The following GRM8 variants were observed in gnomAD, a reference collection of about 807,000 sequenced individuals.
GRM8 encodes the protein glutamate metabotropic receptor 8.
GRM8 carries 47 observed loss-of-function variants against 87.2 expected under a neutral mutation model. The ratio of observed to expected loss-of-function variants is 0.54; its 90% CI spans 0.43 to 0.69. GRM8 has a LOEUF of 0.69. Ranked by LOEUF, GRM8 falls within the 30% of genes least tolerant of loss-of-function variation. The pLI is 0.00. For missense variants in GRM8, 1,019 were observed against 1,139.2 expected (o/e 0.89, Z 1.52); for synonymous variants, 396 against 404.5 (o/e 0.98, Z 0.25).
intron 9 of GRM8, among the ~76,000 whole-genome samples, chr7:126,457,387 T>C (rs1241969391): frequency 6.6e-6 from 1 of 151,318 alleles, no homozygotes; most frequent in African/African-American, 2.4e-5. Context: ...ACAATAATTT[T>C]CCAAAACTTA....
chr7:126,566,050 G>T (rs1306329786), intron 8 of GRM8, among the ~76,000 whole-genome samples: 1 of 152,090 alleles, frequency 6.6e-6, no homozygotes, highest in Non-Finnish European at 1.5e-5. Flanking sequence ...ATGGATTAAA[G>T]AACTAAATGT....
chr7:127,092,651 G>A (rs1479854662), intron 3 of GRM8, among the ~76,000 whole-genome samples: 5 of 152,226 alleles, frequency 3.3e-5, no homozygotes, highest in Non-Finnish European at 5.9e-5. Flanking sequence ...ATATTGCAGT[G>A]AGCCAAGGTT....
chr7:127,104,095 C>T (rs955158947), intron 3 of GRM8, among the ~76,000 whole-genome samples: 3 of 152,170 alleles, frequency 2.0e-5, no homozygotes, highest in African/African-American at 7.2e-5. Flanking sequence ...AGAGGTAAGA[C>T]AGAGGAAGCC....
At chr7:127,078,640 C>T (rs17865293) in intron 3 of GRM8, among the ~76,000 whole-genome samples, 1,677 of 152,268 alleles carry the variant, frequency 0.011, 26 homozygotes, top group African/African-American at 0.037. Context: ...CACCCATTGT[C>T]GACAGAGGAT....
At chr7:127,079,197 T>G (rs1241392792) in intron 3 of GRM8, among the ~76,000 whole-genome samples, 1 of 152,152 alleles carries the variant, frequency 6.6e-6, no homozygotes, top group Non-Finnish European at 1.5e-5. Context: ...CTCCGCTTAC[T>G]GCAACCTCTC....
intron 6 of GRM8, among the ~76,000 whole-genome samples, chr7:126,861,226 A>T (rs775493712): frequency 2.2e-4 from 33 of 152,196 alleles, no homozygotes; most frequent in Non-Finnish European, 4.4e-4. Context: ...GTATTATACT[A>T]TGCTTTTATT....
At chr7:126,502,777 T>C (rs890968115) in intron 9 of GRM8, among the ~76,000 whole-genome samples, 1 of 152,078 alleles carries the variant, frequency 6.6e-6, no homozygotes, top group African/African-American at 2.4e-5. Context: ...GTGTACTTTA[T>C]AATACATAAT....
intron 8 of GRM8, among the ~76,000 whole-genome samples, chr7:126,540,570 A>T (rs570827448): frequency 6.6e-6 from 1 of 152,338 alleles, no homozygotes; most frequent in East Asian, 1.9e-4. Flanking sequence ...AAAGGATAAA[A>T]AATGTGGTAT....
rs374355259 is a variant in GRM8, at chr7:126,928,788, T to C, written c.728-24105A>G. On this transcript the variant is annotated intron_variant, in intron 3 of 10. Transcript: ENST00000339582. The stretch of plus-strand genomic sequence containing the variant: ...TATAATATGGATACCATCTTTGACA[T>C]GTACATTAAATATGACGTCTACCCT... Among the ~76,000 whole-genome samples the C allele has an allele frequency of 1.3e-5, 2 of 152,160 alleles. 1 individual carries two copies.
At chr7:126,571,666 C>T (rs972794577) in intron 8 of GRM8, among the ~76,000 whole-genome samples, 1 of 152,110 alleles carries the variant, frequency 6.6e-6, no homozygotes, top group African/African-American at 2.4e-5. Flanking sequence ...CCTTCCCCTT[C>T]AGATCAGAAA....
At chr7:126,990,417 T>A (rs183001641) in intron 3 of GRM8, among the ~76,000 whole-genome samples, 6 of 151,536 alleles carry the variant, frequency 4.0e-5, no homozygotes, top group African/African-American at 1.5e-4. Flanking sequence ...TAGGCTTGCA[T>A]TATGTATTTT....
At chr7:127,150,216 T>C (rs1384566810) in intron 2 of GRM8, among the ~76,000 whole-genome samples, 2 of 151,992 alleles carry the variant, frequency 1.3e-5, no homozygotes, top group Non-Finnish European at 2.9e-5. Context: ...AAGACAGGCA[T>C]AGAATGGAGG....
chr7:127,204,756 T>C (rs368401555), intron 2 of GRM8, among the ~76,000 whole-genome samples: 2 of 152,336 alleles, frequency 1.3e-5, no homozygotes, highest in African/African-American at 4.8e-5. Context: ...TCTTTGTTAC[T>C]GAGAGCTCAC....
intron 8 of GRM8, among the ~76,000 whole-genome samples, chr7:126,583,854 G>C (rs935100593): frequency 2.0e-5 from 3 of 152,206 alleles, no homozygotes. Context: ...CATAAACACA[G>C]TTGATAAAGC....
At chr7:127,220,984 A>C (rs1357417833) in intron 2 of GRM8, among the ~76,000 whole-genome samples, 1 of 152,098 alleles carries the variant, frequency 6.6e-6, no homozygotes, top group Non-Finnish European at 1.5e-5. Context: ...CTAGCCCCCA[A>C]GGTAAGGAAG....
At chr7:126,457,029 A>G (rs111663495) in intron 9 of GRM8, among the ~76,000 whole-genome samples, 3,125 of 151,624 alleles carry the variant, frequency 0.021, 112 homozygotes, top group African/African-American at 0.072. Flanking sequence ...AAGAAAATAC[A>G]TAATACGATA....
chr7:127,107,927 C>T (rs1347215654), intron 2 of GRM8, among the ~76,000 whole-genome samples: 5 of 152,170 alleles, frequency 3.3e-5, no homozygotes, highest in African/African-American at 1.2e-4. Flanking sequence ...TGGAGCTGTC[C>T]ATGGTGCTGA....
intron 6 of GRM8, among the ~76,000 whole-genome samples, chr7:126,863,409 T>C (rs1413596324): frequency 6.6e-6 from 1 of 152,168 alleles, no homozygotes; most frequent in Non-Finnish European, 1.5e-5. Flanking sequence ...AAACAGTTAA[T>C]ATGTTTTAAC....
intron 3 of GRM8, among the ~76,000 whole-genome samples, chr7:127,080,280 A>T (rs2132771903): frequency 6.6e-6 from 1 of 152,344 alleles, no homozygotes; most frequent in African/African-American, 2.4e-5. Context: ...TGGAAGCTGG[A>T]AAACAGAGCA....
Sources: allele counts gnomAD v4.1 joint callset (sites outside exome capture counted in the v4.1 genomes callset), GRCh38; gene constraint gnomAD v4.1.1; transcripts MANE v1.5; gene names NCBI Gene and HGNC (gene_info 2026-07-23, HGNC 2026-07-21).